RALYL: variants seen among roughly 807,000 people sequenced by gnomAD.
RALYL encodes RALY RNA binding protein like, also known as RNA-binding Raly-like protein.
A neutral mutation model predicts 35.1 loss-of-function variants in RALYL; 29 were observed. The observed-to-expected ratio is 0.83, with a 90% CI of 0.61 to 1.13. The LOEUF (loss-of-function observed/expected upper bound fraction) is 1.13. Ranked by LOEUF, RALYL falls within the 50% of genes most tolerant of loss-of-function variation. RALYL has a pLI of 0.00. For synonymous variants in RALYL, 120 were observed against 127.6 expected (o/e 0.94, Z 0.40); for missense variants, 359 against 360.4 (o/e 1.00, Z 0.03).
At chr8:84,331,953 G>A (rs974588371) in intron 1 of RALYL, among the ~76,000 whole-genome samples, 5 of 151,982 alleles carry the variant, frequency 3.3e-5, no homozygotes, top group African/African-American at 1.2e-4. Flanking sequence ...TGAATATTGT[G>A]CAATTATATG....
At position 84,569,328 on chromosome 8, in the gene RALYL, T is replaced by A. The variant is rs186501350; in HGVS notation, c.256+39751T>A. ...GAATCCTTTCCCCATTTCTTGTTTT[T>A]CTCAGGTTTGTCAAAGATCAGGTGG... On this transcript the variant is annotated intron_variant, in intron 2 of 8. Coordinates refer to ENST00000521268, the MANE Select transcript of RALYL (RefSeq NM_173848.7). 6.2e-4 allele frequency among the ~76,000 whole-genome samples: 95 copies of A among 152,212 alleles called. No homozygotes were observed. In the East Asian group the frequency reaches 0.017, roughly 27 times the overall value.
intron 7 of RALYL, among the ~76,000 whole-genome samples, chr8:84,882,561 T>G (rs972440671): frequency 3.3e-5 from 5 of 152,074 alleles, no homozygotes; most frequent in African/African-American, 1.2e-4. Context: ...GAAAAGAATT[T>G]GACACATTTG....
At chr8:84,600,998 A>C (rs1815808841) in intron 2 of RALYL, among the ~76,000 whole-genome samples, 1 of 152,150 alleles carries the variant, frequency 6.6e-6, no homozygotes, top group African/African-American at 2.4e-5. Context: ...TGTATAAACT[A>C]TGTGGAAAAT....
In RALYL at chr8:84,428,990, G is replaced by A. The variant is rs558841380; in HGVS notation, c.-23-100309G>A. On this transcript the variant is annotated intron_variant, in intron 1 of 8. Transcript: ENST00000521268. ...CATACCCTAGGATTTACTTACACAT[G>A]GATGATTTATAGAGATTTCCCCATT... 1.2e-4 allele frequency among the ~76,000 whole-genome samples: 19 copies of A among 152,172 alleles called. No individual in the cohort carries two copies. In the South Asian group the frequency reaches 3.5e-3, roughly 28 times the overall value.
At chr8:84,852,129 A>G (rs1371889762) in intron 5 of RALYL, among the ~76,000 whole-genome samples, 1 of 152,152 alleles carries the variant, frequency 6.6e-6, no homozygotes, top group Non-Finnish European at 1.5e-5. Context: ...TCAATAACCA[A>G]CTATGTGAAT....
intron 4 of RALYL, among the ~76,000 whole-genome samples, chr8:84,848,002 A>G (rs557234941): frequency 6.4e-4 from 98 of 152,372 alleles, no homozygotes; most frequent in Middle Eastern, 3.4e-3. Context: ...GCCCATCTTA[A>G]TAAGGTTATT....
Position 84,743,923 on chromosome 8 carries a change from G to C in RALYL, c.257-30656G>C, listed in dbSNP as rs138084840. On this transcript the variant is annotated intron_variant, in intron 2 of 8. Transcript: ENST00000521268. ...ACAGACAGAAAGCAGAATGCTGGTA[G>C]GCAGGAGTTTAGAGAGAGGGAGGAA... is the stretch of plus-strand genomic sequence containing the variant. 5.6e-3 allele frequency among the ~76,000 whole-genome samples: 854 copies of C among 152,090 alleles called. 9 individuals carry two copies. The highest frequency in any genetic ancestry group is 8.6e-3 in the Non-Finnish European group (584 of 67,940).
At chr8:84,777,340 A>T (rs1244451111) in intron 3 of RALYL, among the ~76,000 whole-genome samples, 1 of 152,194 alleles carries the variant, frequency 6.6e-6, no homozygotes, top group African/African-American at 2.4e-5. Context: ...CCAATCATCA[A>T]TACTATTACT....
At chr8:84,307,151 C>T (rs1841969332) in intron 1 of RALYL, among the ~76,000 whole-genome samples, 1 of 152,120 alleles carries the variant, frequency 6.6e-6, no homozygotes, top group Non-Finnish European at 1.5e-5. Context: ...TAGTGATCTT[C>T]CTATGAGTTA....
intron 1 of RALYL, among the ~76,000 whole-genome samples, chr8:84,223,720 A>G (rs1284461942): frequency 1.3e-5 from 2 of 152,214 alleles, no homozygotes; most frequent in East Asian, 1.9e-4. Context: ...AGCTGCACAG[A>G]TGCTGCAACA....
rs564486324 is a variant in RALYL at position 84,569,670 on chromosome 8, G to A, written c.256+40093G>A. Among the ~76,000 whole-genome samples the A allele has an allele frequency of 3.3e-5, 5 of 151,910 alleles. No individual in the cohort carries two copies. The South Asian group carries it at 1.0e-3, about 31-fold the overall frequency. The stretch of plus-strand genomic sequence containing the variant: ...TTATAAATTCTTTGCCTAGGTCAAT[G>A]TCCAGAAGAGTGTTTTCTAGATTTT... On this transcript the variant is annotated intron_variant, in intron 2 of 8. Transcript: ENST00000521268.
intron 1 of RALYL, among the ~76,000 whole-genome samples, chr8:84,348,028 A>T (rs1217786188): frequency 6.6e-6 from 1 of 152,054 alleles, no homozygotes; most frequent in Non-Finnish European, 1.5e-5. Context: ...TGGTGGGACA[A>T]GACATTTGCC....
intron 1 of RALYL, among the ~76,000 whole-genome samples, chr8:84,393,872 C>T (rs1240187130): frequency 2.0e-5 from 3 of 152,032 alleles, no homozygotes; most frequent in Non-Finnish European, 4.4e-5. Flanking sequence ...AGTATGGCAC[C>T]TGGCAAATAG....
intron 7 of RALYL, among the ~76,000 whole-genome samples, chr8:84,886,285 A>G: frequency 8.8e-6 from 1 of 114,254 alleles, no homozygotes; most frequent in South Asian, 2.3e-4. Context: ...GCTTATTTGT[A>G]CATTATATTT....
intron 1 of RALYL, among the ~76,000 whole-genome samples, chr8:84,316,783 C>T (rs967976104): frequency 6.6e-6 from 1 of 152,014 alleles, no homozygotes; most frequent in African/African-American, 2.4e-5. Context: ...AAGAAATAGA[C>T]ACATATGGGA....
intron 1 of RALYL, among the ~76,000 whole-genome samples, chr8:84,272,947 G>A (rs1834620163): frequency 6.6e-6 from 1 of 152,182 alleles, no homozygotes; most frequent in African/African-American, 2.4e-5. Context: ...CATGTATAGA[G>A]ATGTAGAGAT....
intron 2 of RALYL, among the ~76,000 whole-genome samples, chr8:84,760,616 T>G (rs1758043519): frequency 6.6e-6 from 1 of 152,102 alleles, no homozygotes; most frequent in South Asian, 2.1e-4. Context: ...TTTGTTTACA[T>G]TTTATTAGAA....
chr8:84,325,131 G>A (rs1175713151), intron 1 of RALYL, among the ~76,000 whole-genome samples: 4 of 152,076 alleles, frequency 2.6e-5, no homozygotes, highest in African/African-American at 4.8e-5. Context: ...TTTCAGTGGA[G>A]GTCACCAAGT....
intron 6 of RALYL, among the ~76,000 whole-genome samples, chr8:84,872,295 C>A (rs1167053590): frequency 6.6e-6 from 1 of 152,154 alleles, no homozygotes; most frequent in African/African-American, 2.4e-5. Context: ...GCTCGTGTCA[C>A]TGAGAATCCC....
Sources: allele counts gnomAD v4.1 joint callset (sites outside exome capture counted in the v4.1 genomes callset), GRCh38; gene constraint gnomAD v4.1.1; transcripts MANE v1.5; gene names NCBI Gene and HGNC (gene_info 2026-07-23, HGNC 2026-07-21).